The following SNX16 variants were observed in gnomAD, a reference collection of about 807,000 sequenced individuals.
SNX16 encodes sorting nexin-16.
Under a neutral mutation model 36.7 loss-of-function variants are expected in SNX16, and 35 were observed. The ratio of observed to expected loss-of-function variants is 0.95; its 90% confidence interval spans 0.73 to 1.27. The LOEUF (loss-of-function observed/expected upper bound fraction) is 1.27. SNX16 is among the 50% of genes most tolerant of loss of function. The pLI, the probability that SNX16 is intolerant of heterozygous loss-of-function variation, is 0.00. For missense variants in SNX16, 367 were observed against 393.6 expected (o/e 0.93, Z 0.57); for synonymous variants, 134 against 132.0 (o/e 1.02, Z -0.10).
chr8:81,801,227 C>T lies in SNX16; in HGVS notation c.*270G>A. On this transcript the variant is annotated 3_prime_UTR_variant, in exon 8 of 8. Transcript: ENST00000345957. ...GCAAAACACCATAATAATTTATGCA[C>T]AGTATTTAAGAATGTGGGCCTTGAT... 1 of 267,674 alleles carries T rather than the reference C, an allele frequency of 3.7e-6. No individual in the cohort carries two copies. The highest frequency in any genetic ancestry group is 7.0e-6 in the Non-Finnish European group (1 of 143,322). The allele number at this position is 267,674 out of a possible 1,614,324, so 16.6% of individuals were successfully genotyped here.
At chr8:81,832,223 C>G (rs915745372) in intron 2 of SNX16, among the ~76,000 whole-genome samples, 1 of 152,180 alleles carries the variant, frequency 6.6e-6, no homozygotes, top group African/African-American at 2.4e-5. Context: ...CCATGGAATA[C>G]TATATAGCCA....
chr8:81,840,128 G>T, intron 1 of SNX16, 46 bp from the exon 2 acceptor site: 1 of 922,774 alleles, frequency 1.1e-6, no homozygotes, highest in Non-Finnish European at 1.6e-6. Context: ...TTAATGTGCA[G>T]CAGGATTCAA....
chr8:81,803,331 C>T, intron 5 of SNX16, 103 bp from the exon 6 acceptor site: 2 of 1,138,072 alleles, frequency 1.8e-6, no homozygotes, highest in Non-Finnish European at 2.4e-6. Flanking sequence ...AGTCAAAGAA[C>T]ACAGATAATC....
At chr8:81,836,547 A>C (rs568537583) in intron 2 of SNX16, among the ~76,000 whole-genome samples, 1 of 152,260 alleles carries the variant, frequency 6.6e-6, no homozygotes, top group Admixed American at 6.5e-5. Context: ...TTAGGCCAAA[A>C]CTTTTGAAGT....
chr8:81,836,066 A>G (rs77445954), intron 2 of SNX16, among the ~76,000 whole-genome samples: 2,868 of 152,308 alleles, frequency 0.019, 90 homozygotes, highest in African/African-American at 0.064. Context: ...TGGGAATTAA[A>G]TGAGATTTAG....
chr8:81,837,498 C>T (rs750208370), intron 2 of SNX16, among the ~76,000 whole-genome samples: 6 of 152,132 alleles, frequency 3.9e-5, no homozygotes, highest in Non-Finnish European at 4.4e-5. Context: ...TCTGAGAAGT[C>T]CAAGATCAAG....
intron 5 of SNX16, among the ~76,000 whole-genome samples, chr8:81,807,515 T>C (rs1423852813): frequency 1.7e-5 from 1 of 57,738 alleles, no homozygotes; most frequent in African/African-American, 8.9e-5. Flanking sequence ...TGAGACTCTG[T>C]CTCAAAAAAA....
intron 5 of SNX16, among the ~76,000 whole-genome samples, chr8:81,814,489 T>C (rs1261318398): frequency 6.6e-6 from 1 of 152,080 alleles, no homozygotes; most frequent in Non-Finnish European, 1.5e-5. Flanking sequence ...GCAGACTGAC[T>C]GCAAAATGGC....
intron 2 of SNX16, among the ~76,000 whole-genome samples, chr8:81,831,002 A>C (rs1241217166): frequency 6.6e-6 from 1 of 152,248 alleles, no homozygotes; most frequent in East Asian, 1.9e-4. Flanking sequence ...GTTGACAAAA[A>C]TAAGCATAGG....
At chr8:81,835,894 A>C (rs1811470882) in intron 2 of SNX16, among the ~76,000 whole-genome samples, 1 of 152,226 alleles carries the variant, frequency 6.6e-6, no homozygotes, top group African/African-American at 2.4e-5. Flanking sequence ...TGTGAGACTT[A>C]TTCACTATCA....
At chr8:81,835,455 T>C (rs1321892491) in intron 2 of SNX16, among the ~76,000 whole-genome samples, 2 of 152,230 alleles carry the variant, frequency 1.3e-5, no homozygotes, top group African/African-American at 4.8e-5. Context: ...TTTTACTTTC[T>C]ATTGCACTGT....
intron 5 of SNX16, among the ~76,000 whole-genome samples, chr8:81,812,395 C>T (rs1043281374): frequency 6.6e-6 from 1 of 151,978 alleles, no homozygotes; most frequent in Non-Finnish European, 1.5e-5. Flanking sequence ...TGCTGAAAGT[C>T]AAACAAACAG....
intron 2 of SNX16, among the ~76,000 whole-genome samples, chr8:81,838,642 C>T (rs1811603414): frequency 6.7e-6 from 1 of 148,958 alleles, no homozygotes; most frequent in Non-Finnish European, 1.5e-5. Flanking sequence ...TGGTGGTTTA[C>T]GAATCTAAAT....
intron 3 of SNX16, among the ~76,000 whole-genome samples, chr8:81,827,117 T>C (rs141439376): frequency 3.7e-4 from 56 of 152,282 alleles, no homozygotes; most frequent in African/African-American, 1.3e-3. Flanking sequence ...CATAAACACT[T>C]ATTAATTTTA....
chr8:81,806,040 GA>G (rs1177168556), intron 5 of SNX16, among the ~76,000 whole-genome samples: 2 of 152,042 alleles, frequency 1.3e-5, no homozygotes, highest in African/African-American at 2.4e-5. Context: ...AGACATCAAA[GA>G]AACAGAATCA....
At chr8:81,823,724 ATTTATTCT>A (rs1177013695) in intron 4 of SNX16, 60 bp downstream of exon 4, 5 of 1,379,276 alleles carry the variant, frequency 3.6e-6, no homozygotes, top group Non-Finnish European at 4.9e-6. Context: ...ATGATCATAG[ATTTATTCT>A]TTAATTTACG....
intron 3 of SNX16, among the ~76,000 whole-genome samples, 166 bp from the exon 4 acceptor site, chr8:81,824,106 G>T (rs951478297): frequency 2.6e-5 from 4 of 152,118 alleles, no homozygotes; most frequent in African/African-American, 9.7e-5. Context: ...TTTTCTACCA[G>T]CTGTGTATAC....
intron 2 of SNX16, among the ~76,000 whole-genome samples, chr8:81,836,688 C>T (rs1811509758): frequency 6.6e-6 from 1 of 152,210 alleles, no homozygotes; most frequent in Non-Finnish European, 1.5e-5. Context: ...TCCACACTAC[C>T]ATCATGTTTC....
rs1810880782 is a variant in SNX16 at position 81,823,726 on chromosome 8, T to G, written c.611+66A>C. ...TGCTTAAATAACTATGATCATAGATTTATTCTTTAATTTACGCCAGTTATT... is the reference window on the plus strand; with the variant it reads ...TGCTTAAATAACTATGATCATAGATGTATTCTTTAATTTACGCCAGTTATT... On this transcript the variant is annotated intron_variant, in intron 4 of 7. Transcript: ENST00000345957. The G allele has an allele frequency of 5.8e-6, 8 of 1,386,768 alleles. No individual in the cohort carries two copies. The South Asian group carries it at 1.1e-4, about 20-fold the overall frequency. The allele number at this position is 1,386,768 out of a possible 1,614,324, so 85.9% of individuals were successfully genotyped here. A position where few individuals can be genotyped will look rare whatever the true frequency, so the allele number is the denominator to read the frequency against.
Sources: gnomAD v4.1 joint callset for allele counts (sites outside exome capture counted in the v4.1 genomes callset) on GRCh38, gnomAD v4.1.1 for gene constraint, MANE v1.5 for transcripts, NCBI Gene and HGNC (gene_info 2026-07-23, HGNC 2026-07-21) for gene names.